The following BSG variants were observed in gnomAD, a reference collection of about 807,000 sequenced individuals.
The protein encoded by BSG is basigin (Ok blood group).
A neutral mutation model predicts 43.1 loss-of-function variants in BSG; 37 were observed. The ratio of observed to expected loss-of-function variants is 0.86; its 90% confidence interval spans 0.66 to 1.13. The LOEUF (loss-of-function observed/expected upper bound fraction) is 1.13, where lower values mean the gene tolerates loss of function less well. Ranked by LOEUF, BSG falls within the 50% of genes most tolerant of loss-of-function variation. The pLI, the probability that BSG is intolerant of heterozygous loss-of-function variation, is 0.00. For missense variants in BSG, 599 were observed against 554.2 expected (o/e 1.08, Z -0.81); for synonymous variants, 309 against 238.7 (o/e 1.29, Z -2.72).
upstream of BSG, chr19:572,548 C>A: frequency 1.0e-5 from 14 of 1,351,270 alleles, no homozygotes; most frequent in Non-Finnish European, 1.2e-5. Flanking sequence ...TGCGCGCGCC[C>A]GGTCCGCGCC....
chr19:579,341 C>G, intron 2 of BSG, 159 bp from the exon 3 acceptor site: 1 of 1,000,812 alleles, frequency 1.0e-6, no homozygotes, highest in Non-Finnish European at 1.5e-6. Context: ...GCCAGAAGTT[C>G]CCCTTGGGCC....
At chr19:577,541 G>A (rs956155788) in intron 1 of BSG, among the ~76,000 whole-genome samples, 5 of 152,220 alleles carry the variant, frequency 3.3e-5, no homozygotes, top group African/African-American at 1.2e-4. Flanking sequence ...TGGTCCCACA[G>A]TTGTGCCCTC....
upstream of BSG, chr19:572,371 G>C (rs1261194105): frequency 4.6e-6 from 5 of 1,095,668 alleles, no homozygotes; most frequent in South Asian, 1.3e-4. Context: ...CGTCCCCGCA[G>C]GCCCCACTCC....
chr19:580,893 T>C, intron 5 of BSG, 111 bp downstream of exon 5: 1 of 833,766 alleles, frequency 1.2e-6, no homozygotes, highest in Non-Finnish European at 1.7e-6. Flanking sequence ...GGGCCTAGAC[T>C]GGGGGTCCCG....
intron 1 of BSG, among the ~76,000 whole-genome samples, chr19:576,108 G>T (rs368584754): frequency 6.6e-6 from 1 of 152,246 alleles, no homozygotes; most frequent in African/African-American, 2.4e-5. Flanking sequence ...TGCAGATGGC[G>T]CCTGGGAGCC....
chr19:579,192 C>T lies in BSG; in HGVS notation c.416-308C>T, dbSNP rs370592787. 1,052 of 515,260 alleles carry T rather than the reference C, an allele frequency of 2.0e-3. 14 individuals are homozygous for T. Among genetic ancestry groups the T allele is most frequent in the African/African-American group, 0.017 (912 of 52,528 alleles). The allele number at this position is 515,260 out of a possible 1,614,324, so 31.9% of individuals were successfully genotyped here. A position where few individuals can be genotyped will look rare whatever the true frequency, so the allele number is the denominator to read the frequency against. On this transcript the variant is annotated intron_variant, in intron 2 of 8. Coordinates refer to ENST00000333511, the MANE Select transcript of BSG (RefSeq NM_001728.4). Reference sequence around the variant, plus strand: ...CTCGTGTGTCTCTGGGCAGGAACATCGCCAGGCGGGGCCTCTGGGTTCCCA... The same window carrying T: ...CTCGTGTGTCTCTGGGCAGGAACATTGCCAGGCGGGGCCTCTGGGTTCCCA...
chr19:578,958 C>T, intron 2 of BSG: 2 of 452,678 alleles, frequency 4.4e-6, no homozygotes, highest in South Asian at 1.6e-5. Flanking sequence ...TCTCGATCTC[C>T]CGACCTCGAG....
upstream of BSG, chr19:572,397 C>G (rs1170750533): frequency 5.1e-6 from 5 of 985,190 alleles, no homozygotes; most frequent in Non-Finnish European, 6.0e-6. Flanking sequence ...CCTAGCAACG[C>G]CGGGTCACGT....
chr19:572,777 G>A (rs1259015730), intron 1 of BSG, 76 bp downstream of exon 1: 18 of 1,313,660 alleles, frequency 1.4e-5, no homozygotes, highest in South Asian at 7.9e-5. Context: ...ACCCGAAGCC[G>A]ACGGGAGCCT....
intron 7 of BSG, 50 bp from the exon 8 acceptor site, chr19:582,462 GGA>G (rs200045153): frequency 0.037 from 59,425 of 1,602,324 alleles, 1,293 homozygotes; most frequent in Non-Finnish European, 0.043. Flanking sequence ...GGGGTGACTT[GGA>G]GAGAGTGACT....
intron 7 of BSG, 75 bp from the exon 8 acceptor site, chr19:582,439 G>T (rs1333818058): frequency 6.3e-7 from 1 of 1,596,986 alleles, no homozygotes; most frequent in African/African-American, 1.3e-5. Context: ...GGTCCTGGGG[G>T]CCGGGGTGGG....
In BSG at chr19:581,564, C is replaced by T. The variant is rs747039830; in HGVS notation, c.1042C>T (p.Arg348Cys). 8 of 1,598,436 alleles carry T rather than the reference C, an allele frequency of 5.0e-6. No individual in the cohort carries two copies. The highest frequency in any genetic ancestry group is 1.3e-5 in the African/African-American group (1 of 74,616). Residue 348 changes from arginine to cysteine, a missense_variant, in exon 6 of 9, where the codon CGC becomes TGC. Physicochemically the swap from Arg to Cys is radical, Grantham distance 180. Coordinates refer to ENST00000333511, the MANE Select transcript of BSG (RefSeq NM_001728.4). ...CACCATCATCTTCATCTACGAGAAG[C>T]GCCGGAAGCCCGAGGACGTCCTGGA... ...LVTIIFIYEK[R>C]RKPEDVLDDD...
upstream of BSG, chr19:571,467 C>T (rs1165060569): frequency 3.9e-6 from 3 of 773,122 alleles, no homozygotes; most frequent in East Asian, 7.3e-5. Flanking sequence ...TTCAAGGGTC[C>T]TTCCTACCCG....
At chr19:578,280 G>A (rs568408179) in intron 2 of BSG, 159 bp downstream of exon 2, 3 of 755,140 alleles carry the variant, frequency 4.0e-6, no homozygotes, top group Non-Finnish European at 5.8e-6. Context: ...GGACCTGAAG[G>A]GGGTGGGCTC....
chr19:579,669 C>T lies in BSG; in HGVS notation c.572+13C>T. 1 of 1,592,044 alleles carries T rather than the reference C, an allele frequency of 6.3e-7. No homozygotes were observed. The highest frequency in any genetic ancestry group is 8.6e-7 in the Non-Finnish European group (1 of 1,168,468). On this transcript the variant is annotated intron_variant, in intron 3 of 8. Transcript: ENST00000333511. ...AAACGGAGTTCAAGTGAGTGCCTGACCACGCCATGCCGCCACCTGCCCCTT... is the reference window on the plus strand; with the variant it reads ...AAACGGAGTTCAAGTGAGTGCCTGATCACGCCATGCCGCCACCTGCCCCTT...
Position 580,695 on chromosome 19 carries a change from G to A in BSG, c.705G>A (p.Gly235=). Residue 235 remains glycine (G), a synonymous_variant, in exon 5 of 9, where the codon GGG becomes GGA. Transcript: ENST00000333511. ...AGTCGTCAGAACACATCAACGAGGG[G>A]GAGACGGCCATGCTGGTCTGCAAGT... ...AVKSSEHINE[G]ETAMLVCKSE... is the part of the protein sequence containing the mutation. 2 of 1,612,902 alleles carry A rather than the reference G, an allele frequency of 1.2e-6. No homozygotes were observed. The highest frequency in any genetic ancestry group is 2.2e-5 in the South Asian group (2 of 91,084).
chr19:575,777 G>T (rs1015380388), intron 1 of BSG, among the ~76,000 whole-genome samples: 2 of 152,152 alleles, frequency 1.3e-5, no homozygotes, highest in African/African-American at 4.8e-5. Flanking sequence ...GGCCAGAATC[G>T]AATTCTAACC....
chr19:581,508 T>C lies in BSG; in HGVS notation c.986T>C (p.Leu329Pro). The C allele has an allele frequency of 6.3e-7, 1 of 1,597,064 alleles. No individual in the cohort carries two copies. The highest frequency in any genetic ancestry group is 8.5e-7 in the Non-Finnish European group (1 of 1,172,578). ...CACCTGGCCGCCCTCTGGCCCTTCC[T>C]GGGCATCGTGGCTGAGGTGCTGGTG... ...RSHLAALWPFLGIVAEVLVLV... is the reference protein window; with the variant it reads ...RSHLAALWPFPGIVAEVLVLV... Residue 329 changes from leucine to proline, a missense_variant, in exon 6 of 9, where the codon CTG becomes CCG. By Grantham distance (98) the Leu-to-Pro change is moderately conservative (BLOSUM62 -3). Coordinates refer to ENST00000333511, the MANE Select transcript of BSG (RefSeq NM_001728.4).
intron 1 of BSG, among the ~76,000 whole-genome samples, 168 bp from the exon 2 acceptor site, chr19:577,606 C>G (rs903993779): frequency 2.6e-5 from 4 of 152,218 alleles, no homozygotes; most frequent in African/African-American, 7.2e-5. Flanking sequence ...CACGGTCTTT[C>G]CCATGCCATG....
Sources: allele counts gnomAD v4.1 joint callset (sites outside exome capture counted in the v4.1 genomes callset), GRCh38; gene constraint gnomAD v4.1.1; transcripts MANE v1.5; gene names NCBI Gene and HGNC (gene_info 2026-07-23, HGNC 2026-07-21).